PKHD1: variants seen among roughly 807,000 people sequenced by gnomAD.
PKHD1 encodes the protein PKHD1 ciliary IPT domain containing fibrocystin/polyductin.
A neutral mutation model predicts 412.0 loss-of-function variants in PKHD1; 291 were observed. The ratio of observed to expected loss-of-function variants is 0.71; its 90% CI spans 0.64 to 0.78. The LOEUF (loss-of-function observed/expected upper bound fraction) is 0.78. Among genes scored for constraint, PKHD1 ranks in the 30% least tolerant of loss-of-function variants. The pLI, the probability that PKHD1 is intolerant of heterozygous loss-of-function variation, is 0.00. For synonymous variants in PKHD1, 1,777 were observed against 1,821.5 expected, an observed-to-expected ratio of 0.98 and a Z score of 0.62; for missense variants, 4,825 against 4,950.7, an observed-to-expected ratio of 0.97 and a Z score of 0.76.
intron 48 of PKHD1, among the ~76,000 whole-genome samples, chr6:51,857,935 T>C (rs531502756): frequency 6.6e-6 from 1 of 152,322 alleles, no homozygotes; most frequent in Admixed American, 6.5e-5. Context: ...CTATGCAGCA[T>C]TAACTGAACC....
At chr6:51,643,121 A>G (rs1390030492) in intron 63 of PKHD1, among the ~76,000 whole-genome samples, 1 of 152,206 alleles carries the variant, frequency 6.6e-6, no homozygotes, top group Non-Finnish European at 1.5e-5. Context: ...ACTGTTACAT[A>G]TCCTAAGCAC....
Position 51,748,090 on chromosome 6 carries a change from T to C in PKHD1, c.9526A>G (p.Thr3176Ala), listed in dbSNP as rs149252173. The change falls in exon 58 of 67, where the codon ACT becomes GCT. Residue 3176 changes from threonine to alanine, a missense_variant. By Grantham distance (58) the Thr-to-Ala change is moderately conservative. Coordinates refer to ENST00000371117, the MANE Select transcript of PKHD1 (RefSeq NM_138694.4). ...TACACTACTGCCAAAAGACCAATAG[T>C]ATTGTCTACCAGAGTAATGTTCTCT... Reference protein sequence around the residue: ...EIENITLVDNTIGLLAVVYVF... With the variant: ...EIENITLVDNAIGLLAVVYVF... 16 of 1,613,712 alleles carry C rather than the reference T, an allele frequency of 9.9e-6. No homozygotes were observed. The highest frequency in any genetic ancestry group is 1.3e-5 in the African/African-American group (1 of 74,914).
chr6:51,782,655 CTTATA>C (rs905913907), intron 53 of PKHD1, among the ~76,000 whole-genome samples: 3 of 152,098 alleles, frequency 2.0e-5, no homozygotes, highest in East Asian at 1.9e-4. Context: ...TCTATGTACA[CTTATA>C]TTATACACAT....
At chr6:51,966,543 G>T (rs1025635708) in intron 35 of PKHD1, among the ~76,000 whole-genome samples, 1 of 152,080 alleles carries the variant, frequency 6.6e-6, no homozygotes, top group East Asian at 1.9e-4. Context: ...AAAAATGTAG[G>T]TATTACTCTT....
chr6:51,672,000 G>T (rs940264669), intron 60 of PKHD1, among the ~76,000 whole-genome samples: 2 of 152,180 alleles, frequency 1.3e-5, no homozygotes, highest in African/African-American at 4.8e-5. Flanking sequence ...TCAAATGTGG[G>T]AAGTCTCTTA....
chr6:51,895,651 G>A (rs1013501010), intron 43 of PKHD1, among the ~76,000 whole-genome samples: 7 of 152,052 alleles, frequency 4.6e-5, no homozygotes, highest in Non-Finnish European at 1.0e-4. Flanking sequence ...GAACTTTAAG[G>A]TCACCGGAGG....
intron 35 of PKHD1, among the ~76,000 whole-genome samples, chr6:51,993,961 G>T (rs993193283): frequency 6.7e-6 from 1 of 150,080 alleles, no homozygotes; most frequent in Non-Finnish European, 1.5e-5. Context: ...TTGTATGGAA[G>T]AAAAAAAAAT....
intron 52 of PKHD1, among the ~76,000 whole-genome samples, chr6:51,801,580 G>A (rs1396152020): frequency 4.6e-5 from 7 of 150,616 alleles, no homozygotes; most frequent in African/African-American, 1.7e-4. Context: ...AGAGGCACAC[G>A]ATTCAAGACT....
intron 52 of PKHD1, among the ~76,000 whole-genome samples, chr6:51,793,869 A>G (rs1794144583): frequency 6.6e-6 from 1 of 152,136 alleles, no homozygotes; most frequent in Non-Finnish European, 1.5e-5. Context: ...AATGGTTTCT[A>G]TTCCTTTGGT....
At chr6:51,662,105 T>C (rs1268746061) in intron 60 of PKHD1, among the ~76,000 whole-genome samples, 1 of 151,936 alleles carries the variant, frequency 6.6e-6, no homozygotes, top group Non-Finnish European at 1.5e-5. Flanking sequence ...ATAATTATAC[T>C]TTTACTATAT....
intron 35 of PKHD1, among the ~76,000 whole-genome samples, chr6:51,992,579 G>T (rs1393225782): frequency 6.6e-6 from 1 of 152,174 alleles, no homozygotes; most frequent in Non-Finnish European, 1.5e-5. Context: ...GAAGCCACCA[G>T]TACAGGGAAA....
chr6:51,885,209 T>G (rs982553854), intron 45 of PKHD1, among the ~76,000 whole-genome samples: 2 of 152,182 alleles, frequency 1.3e-5, no homozygotes, highest in Non-Finnish European at 2.9e-5. Flanking sequence ...CTGTTAGCAG[T>G]GAGCATGCAA....
At chr6:51,963,417 G>A (rs1479431923) in intron 35 of PKHD1, among the ~76,000 whole-genome samples, 1 of 152,086 alleles carries the variant, frequency 6.6e-6, no homozygotes, top group Non-Finnish European at 1.5e-5. Flanking sequence ...ATGTATAAAT[G>A]TTTATTGATG....
At chr6:51,813,242 A>T (rs1342291149) in intron 52 of PKHD1, among the ~76,000 whole-genome samples, 1 of 152,132 alleles carries the variant, frequency 6.6e-6, no homozygotes, top group Admixed American at 6.5e-5. Flanking sequence ...CTCAATTTTG[A>T]TTTCTTAGTG....
intron 35 of PKHD1, among the ~76,000 whole-genome samples, chr6:51,969,002 A>T (rs1014534875): frequency 6.6e-6 from 1 of 152,196 alleles, no homozygotes; most frequent in Non-Finnish European, 1.5e-5. Context: ...AGGTTATGTT[A>T]TATGGTAATG....
intron 55 of PKHD1, among the ~76,000 whole-genome samples, chr6:51,762,667 T>A (rs924788139): frequency 2.0e-5 from 3 of 151,612 alleles, no homozygotes; most frequent in African/African-American, 7.3e-5. Context: ...ATATATATAT[T>A]TTCAGGTATC....
At chr6:51,755,028 G>T in intron 55 of PKHD1, 90 bp from the exon 56 acceptor site, 2 of 1,065,600 alleles carry the variant, frequency 1.9e-6, no homozygotes, top group South Asian at 1.3e-5. Flanking sequence ...AATCCACTGT[G>T]ACCAACATAT....
chr6:51,972,053 G>A (rs1351954049), intron 35 of PKHD1, among the ~76,000 whole-genome samples: 1 of 152,080 alleles, frequency 6.6e-6, no homozygotes, highest in Admixed American at 6.6e-5. Context: ...AATTTTTAAA[G>A]GCCCGTATTC....
At chr6:51,758,014 AAGAG>A (rs10534219) in intron 55 of PKHD1, among the ~76,000 whole-genome samples, 3,029 of 126,076 alleles carry the variant, frequency 0.024, 54 homozygotes, top group Non-Finnish European at 0.028. Context: ...ACCCTGCCAA[AAGAG>A]AGAGAGAGAG....
Sources: allele counts gnomAD v4.1 joint callset (sites outside exome capture counted in the v4.1 genomes callset), GRCh38; gene constraint gnomAD v4.1.1; transcripts MANE v1.5; gene names NCBI Gene and HGNC (gene_info 2026-07-23, HGNC 2026-07-21).